The following RANBP2 variants were observed in gnomAD, a reference collection of about 807,000 sequenced individuals.
RANBP2 encodes E3 SUMO-protein ligase RanBP2.
RANBP2 carries 57 observed loss-of-function variants against 303.6 expected under a neutral mutation model. That is an observed-to-expected ratio of 0.19 (90% CI 0.15 to 0.23). The LOEUF (loss-of-function observed/expected upper bound fraction) is 0.23, where lower values mean the gene tolerates loss of function less well. Among genes scored for constraint, RANBP2 ranks in the 10% least tolerant of loss-of-function variants. The probability of loss-of-function intolerance (pLI) is 1.00; values close to 1 mark genes in which losing one functional copy is unlikely to be tolerated. For missense variants in RANBP2, 3,138 were observed against 3,780.8 expected (o/e 0.83, Z 4.46); for synonymous variants, 1,167 against 1,301.5 (o/e 0.90, Z 2.23).
chr2:109,794,612 G>T, the RANBP2 span: 2 of 744,448 alleles, frequency 2.7e-6, no homozygotes, highest in Non-Finnish European at 3.2e-6. Context: ...CGGCGGCGGG[G>T]GGGGCGGCGG....
At chr2:109,432,365 C>A in the RANBP2 span, 1 of 1,128,492 alleles carries the variant, frequency 8.9e-7, no homozygotes, top group Non-Finnish European at 1.2e-6. Context: ...CCTCTGTAAA[C>A]TGCAGAGCCC....
the RANBP2 span, among the ~76,000 whole-genome samples, chr2:109,215,686 G>T: frequency 6.6e-6 from 1 of 152,126 alleles, no homozygotes; most frequent in Non-Finnish European, 1.5e-5. Flanking sequence ...GCTGCTTCTG[G>T]AATCCTACAC....
intron 1 of RANBP2, among the ~76,000 whole-genome samples, chr2:108,722,019 G>A (rs1694297510): frequency 6.7e-6 from 1 of 150,036 alleles, no homozygotes; most frequent in Non-Finnish European, 1.5e-5. Flanking sequence ...ACAGGTGTGA[G>A]CCACTCTGCT....
the RANBP2 span, among the ~76,000 whole-genome samples, chr2:108,981,515 A>G: frequency 6.6e-6 from 1 of 152,242 alleles, no homozygotes; most frequent in Non-Finnish European, 1.5e-5. Context: ...AGCATCCTGC[A>G]GCCCAAACAA....
At chr2:109,134,438 CCT>C in the RANBP2 span, among the ~76,000 whole-genome samples, 1 of 152,092 alleles carries the variant, frequency 6.6e-6, no homozygotes, top group Admixed American at 6.5e-5. Context: ...TCAGAAGGCC[CCT>C]GAGTGTGGAA....
chr2:108,828,370 A>G, the RANBP2 span, among the ~76,000 whole-genome samples: 413 of 152,338 alleles, frequency 2.7e-3, 5 homozygotes, highest in African/African-American at 9.3e-3. Flanking sequence ...TAAAATTGAT[A>G]TGGAATCTGA....
the RANBP2 span, among the ~76,000 whole-genome samples, chr2:109,324,074 G>A: frequency 3.3e-5 from 5 of 152,148 alleles, no homozygotes; most frequent in African/African-American, 7.2e-5. Context: ...GTGGCCTTTT[G>A]TGTCTTACTT....
At chr2:108,983,360 A>G in the RANBP2 span, among the ~76,000 whole-genome samples, 872 of 152,252 alleles carry the variant, frequency 5.7e-3, 8 homozygotes, top group African/African-American at 0.02. Context: ...AAGGATTAGG[A>G]TTTTTTGGGG....
chr2:109,546,291 G>C, the RANBP2 span: 1 of 1,217,692 alleles, frequency 8.2e-7, no homozygotes. Context: ...GCAGAGGCAC[G>C]CTCTCCAGCT....
the RANBP2 span, among the ~76,000 whole-genome samples, chr2:108,838,076 T>G: frequency 6.6e-6 from 1 of 152,128 alleles, no homozygotes; most frequent in African/African-American, 2.4e-5. Flanking sequence ...TGAATAATTT[T>G]GGCAGTACTA....
the RANBP2 span, among the ~76,000 whole-genome samples, chr2:109,379,900 A>G: frequency 1.3e-5 from 2 of 152,228 alleles, no homozygotes; most frequent in Non-Finnish European, 2.9e-5. Flanking sequence ...ATGTCTGAAC[A>G]GAGTGGTCCA....
At chr2:109,349,660 G>A in the RANBP2 span, among the ~76,000 whole-genome samples, 1 of 152,220 alleles carries the variant, frequency 6.6e-6, no homozygotes, top group South Asian at 2.1e-4. Context: ...GCTCCAGGCT[G>A]CAGAGCCGAG....
downstream of RANBP2, among the ~76,000 whole-genome samples, chr2:108,788,553 T>TA (rs1029752618): frequency 3.5e-4 from 53 of 151,048 alleles, no homozygotes; most frequent in Non-Finnish European, 6.2e-4. Flanking sequence ...CCGTCTCTAC[T>TA]AAAAAAAATA....
At chr2:109,361,537 G>A in the RANBP2 span, among the ~76,000 whole-genome samples, 69 of 152,142 alleles carry the variant, frequency 4.5e-4, 1 homozygote, top group Admixed American at 7.2e-4. Context: ...GCAGTGGCGC[G>A]ATCTTGGCTC....
At chr2:109,444,286 ATGT>A in the RANBP2 span, among the ~76,000 whole-genome samples, 167 of 152,350 alleles carry the variant, frequency 1.1e-3, no homozygotes, top group African/African-American at 3.9e-3. Context: ...AGTTTATGTG[ATGT>A]TGTTGTAAAG....
chr2:109,286,511 T>A, the RANBP2 span, among the ~76,000 whole-genome samples: 3 of 152,156 alleles, frequency 2.0e-5, no homozygotes, highest in Non-Finnish European at 4.4e-5. Flanking sequence ...ATCACCTGGG[T>A]GCAGAAGACC....
At chr2:108,951,903 T>C in the RANBP2 span, among the ~76,000 whole-genome samples, 4 of 152,216 alleles carry the variant, frequency 2.6e-5, no homozygotes, top group African/African-American at 7.2e-5. Context: ...TTGAATGGTG[T>C]ACAATGATGA....
At chr2:108,897,524 C>T in the RANBP2 span, among the ~76,000 whole-genome samples, 1 of 152,102 alleles carries the variant, frequency 6.6e-6, no homozygotes, top group East Asian at 1.9e-4. Flanking sequence ...CCATTTTTAG[C>T]AGTTCTCAAA....
the RANBP2 span, among the ~76,000 whole-genome samples, chr2:108,854,350 A>G: frequency 6.6e-6 from 1 of 151,682 alleles, no homozygotes; most frequent in South Asian, 2.1e-4. Flanking sequence ...TAAGGTTTGA[A>G]TCTTAGCTTC....
Sources: allele counts gnomAD v4.1 joint callset (sites outside exome capture counted in the v4.1 genomes callset), GRCh38; gene constraint gnomAD v4.1.1; transcripts MANE v1.5; gene names NCBI Gene and HGNC (gene_info 2026-07-23, HGNC 2026-07-21).